Variants in PPP1R13B observed in about 807,000 individuals in gnomAD.
PPP1R13B encodes the protein apoptosis-stimulating of p53 protein 1.
Under a neutral mutation model 119.8 loss-of-function variants are expected in PPP1R13B, and 44 were observed. The observed-to-expected ratio is 0.37, with a 90% CI of 0.29 to 0.47. The LOEUF is 0.47. PPP1R13B is among the 20% of genes least tolerant of loss of function. The pLI is 0.99. For synonymous variants in PPP1R13B, 542 were observed against 561.5 expected (o/e 0.97, Z 0.49); for missense variants, 1,227 against 1,413.5 (o/e 0.87, Z 2.12).
chr14:103,843,947 G>A (rs1235417942), intron 1 of PPP1R13B, among the ~76,000 whole-genome samples: 5 of 119,850 alleles, frequency 4.2e-5, no homozygotes, highest in South Asian at 2.5e-4. Context: ...GCAAGACTCC[G>A]TCTCAAAAAA....
At chr14:103,760,695 G>A (rs748015535) in intron 4 of PPP1R13B, among the ~76,000 whole-genome samples, 4 of 152,150 alleles carry the variant, frequency 2.6e-5, no homozygotes, top group Non-Finnish European at 5.9e-5. Flanking sequence ...CAGGAACACT[G>A]TTTCTGCTAC....
chr14:103,775,111 T>C (rs77717904), intron 4 of PPP1R13B, among the ~76,000 whole-genome samples: 2 of 152,180 alleles, frequency 1.3e-5, no homozygotes, highest in Non-Finnish European at 2.9e-5. Flanking sequence ...CAATTTATCA[T>C]ACATTTGGAA....
chr14:103,748,862 C>T (rs1432297850), intron 8 of PPP1R13B, among the ~76,000 whole-genome samples: 3 of 152,184 alleles, frequency 2.0e-5, no homozygotes, highest in Non-Finnish European at 2.9e-5. Context: ...GAAGTAACGA[C>T]CTGGAAAGAC....
rs972993343 is a variant in PPP1R13B, at chr14:103,733,354, CAA to C, written c.*1798_*1799del. On this transcript the variant is annotated 3_prime_UTR_variant, in exon 17 of 17. Transcript: ENST00000202556. ...GGTCTACTAGAAGGTTCTGGCCCATCAATATTCATTTCATTTAATTCTTCCAC... is the reference window on the plus strand; with the variant it reads ...GGTCTACTAGAAGGTTCTGGCCCATCTATTCATTTCATTTAATTCTTCCAC... The C allele has an allele frequency of 1.7e-5, 4 of 234,508 alleles. No individual in the cohort carries two copies. Among genetic ancestry groups the C allele is most frequent in the African/African-American group, 9.2e-5 (4 of 43,540 alleles). The allele number at this position is 234,508 out of a possible 1,614,324, so 14.5% of individuals were successfully genotyped here.
chr14:103,797,208 A>T lies in PPP1R13B; in HGVS notation c.157+163T>A, dbSNP rs2085780256. ...TCTTTATTACCACAGATAACTAAGA[A>T]CTACAAGCAATATTTTCCATTTGAT... On this transcript the variant is annotated intron_variant, in intron 2 of 16. Coordinates refer to ENST00000202556, the MANE Select transcript of PPP1R13B (RefSeq NM_015316.3). 1.6e-5 allele frequency: 9 copies of T among 574,568 alleles called. No individual in the cohort carries two copies. The South Asian group carries it at 2.5e-4, about 16-fold the overall frequency. 35.6% of individuals were successfully genotyped at this position (574,568 alleles called of 1,614,324 possible).
chr14:103,766,062 G>A (rs767749201), intron 4 of PPP1R13B, among the ~76,000 whole-genome samples: 10 of 150,810 alleles, frequency 6.6e-5, no homozygotes, highest in Admixed American at 1.3e-4. Flanking sequence ...AGGCTTGAGC[G>A]CAGTGGCGCC....
rs748084410 is a variant in PPP1R13B, at chr14:103,733,739, A to C, written c.*1415T>G. On this transcript the variant is annotated 3_prime_UTR_variant, in exon 17 of 17. Coordinates refer to ENST00000202556, the MANE Select transcript of PPP1R13B (RefSeq NM_015316.3). The stretch of plus-strand genomic sequence containing the variant: ...ACAGCGCAGTCTGGGTCCAGAAAGA[A>C]GACTCACAGCCGCCGGGGTGAGACG... The C allele has an allele frequency of 2.6e-5, 4 of 152,438 alleles. No homozygotes were observed. Among genetic ancestry groups the C allele is most frequent in the South Asian group, 2.1e-4 (1 of 4,834 alleles). The allele number at this position is 152,438 out of a possible 1,614,324, so 9.4% of individuals were successfully genotyped here. A position where few individuals can be genotyped will look rare whatever the true frequency, so the allele number is the denominator to read the frequency against.
At position 103,736,134 on chromosome 14, in the gene PPP1R13B, T is replaced by C. The variant is rs2084104538; in HGVS notation, c.3100A>G (p.Asn1034Asp). ...TCGTGGAAGGACAGCTCGTCACTGT[T>C]CTGGGCCTCGTAGTCCCACAGAGCA... ...AYALWDYEAQ[N>D]SDELSFHEGD... The change falls in exon 16 of 17, where the codon AAC (asparagine) becomes GAC (aspartate). Residue 1034 changes from asparagine (N) to aspartate (D), a missense_variant. Coordinates refer to ENST00000202556, the MANE Select transcript of PPP1R13B (RefSeq NM_015316.3). 1.2e-6 allele frequency: 2 copies of C among 1,614,222 alleles called. No homozygotes were observed. The highest frequency in any genetic ancestry group is 1.7e-6 in the Non-Finnish European group (2 of 1,180,038).
intron 1 of PPP1R13B, chr14:103,818,350 G>A (rs932353277): frequency 1.8e-5 from 7 of 389,512 alleles, no homozygotes; most frequent in Non-Finnish European, 2.5e-5. Flanking sequence ...CCCTTTTGAA[G>A]ACACTACTGA....
intron 3 of PPP1R13B, among the ~76,000 whole-genome samples, chr14:103,782,772 C>G (rs536459867): frequency 6.6e-6 from 1 of 151,586 alleles, no homozygotes; most frequent in South Asian, 2.1e-4. Flanking sequence ...TTTCTGTGAA[C>G]TGTGTGTGTA....
At position 103,842,160 on chromosome 14, in the gene PPP1R13B, T is replaced by C. The variant is rs534986652; in HGVS notation, c.9+5139A>G. Among the ~76,000 whole-genome samples the C allele has an allele frequency of 4.6e-5, 7 of 152,292 alleles. No individual in the cohort carries two copies. In the South Asian group the frequency reaches 1.4e-3, roughly 32 times the overall value. ...AAGCTAAATACTGAAAACAAATTAA[T>C]GTCATCCCTACCCTGCAGTAAACAT... On this transcript the variant is annotated intron_variant, in intron 1 of 16. Coordinates refer to ENST00000202556, the MANE Select transcript of PPP1R13B (RefSeq NM_015316.3).
chr14:103,807,062 T>C (rs373631641), intron 1 of PPP1R13B, among the ~76,000 whole-genome samples: 3 of 152,318 alleles, frequency 2.0e-5, no homozygotes, highest in East Asian at 1.9e-4. Context: ...TGCATACCTC[T>C]CTGATCTCAG....
chr14:103,745,884 C>T (rs1419434642), intron 9 of PPP1R13B, among the ~76,000 whole-genome samples: 1 of 152,220 alleles, frequency 6.6e-6, no homozygotes, highest in East Asian at 1.9e-4. Context: ...GATCTCACTG[C>T]AACCTCCGCC....
intron 4 of PPP1R13B, 171 bp downstream of exon 4, chr14:103,778,574 T>G (rs1038783520): frequency 1.5e-5 from 9 of 599,282 alleles, no homozygotes; most frequent in Non-Finnish European, 2.7e-5. Flanking sequence ...TGATTAATTT[T>G]TTAAAACCTT....
At chr14:103,766,268 A>C (rs1433893257) in intron 4 of PPP1R13B, among the ~76,000 whole-genome samples, 1 of 151,990 alleles carries the variant, frequency 6.6e-6, no homozygotes, top group Non-Finnish European at 1.5e-5. Context: ...TCGGCTTCCC[A>C]AGGTGCTGGG....
intron 2 of PPP1R13B, 104 bp from the exon 3 acceptor site, chr14:103,785,018 G>C: frequency 1.0e-6 from 1 of 962,144 alleles, no homozygotes; most frequent in Non-Finnish European, 1.5e-6. Context: ...ACACATGTAT[G>C]TCTACATGTT....
At chr14:103,818,553 G>A (rs1392665490) in intron 1 of PPP1R13B, 14 of 925,704 alleles carry the variant, frequency 1.5e-5, no homozygotes, top group Admixed American at 1.2e-4. Context: ...AGTTGATTTC[G>A]TCCTCATGGC....
intron 1 of PPP1R13B, among the ~76,000 whole-genome samples, chr14:103,845,354 G>C (rs1007762697): frequency 6.6e-6 from 1 of 152,026 alleles, no homozygotes; most frequent in Non-Finnish European, 1.5e-5. Context: ...GTATTTTTAG[G>C]GATCAAAAAG....
At position 103,733,750 on chromosome 14, in the gene PPP1R13B, C is replaced by T. The variant is rs922674622; in HGVS notation, c.*1404G>A. 6.6e-6 allele frequency: 1 copy of T among 152,390 alleles called. No individual in the cohort carries two copies. The highest frequency in any genetic ancestry group is 6.5e-5 in the Admixed American group (1 of 15,284). 9.4% of individuals were successfully genotyped at this position (152,390 alleles called of 1,614,324 possible). ...TGGGTCCAGAAAGAAGACTCACAGC[C>T]GCCGGGGTGAGACGGGTTTATTGTG... On this transcript the variant is annotated 3_prime_UTR_variant, in exon 17 of 17. Coordinates refer to ENST00000202556, the MANE Select transcript of PPP1R13B (RefSeq NM_015316.3).
Sources: gnomAD v4.1 joint callset for allele counts (sites outside exome capture counted in the v4.1 genomes callset) on GRCh38, gnomAD v4.1.1 for gene constraint, MANE v1.5 for transcripts, NCBI Gene and HGNC (gene_info 2026-07-23, HGNC 2026-07-21) for gene names.